The following PPTC7 variants were observed in gnomAD, a reference collection of about 807,000 sequenced individuals.
PPTC7 encodes the protein protein phosphatase targeting COQ7.
Under a neutral mutation model 30.8 loss-of-function variants are expected in PPTC7, and 6 were observed. The observed-to-expected ratio is 0.19, with a 90% CI of 0.11 to 0.38. The LOEUF (loss-of-function observed/expected upper bound fraction) is 0.38. Among genes scored for constraint, PPTC7 ranks in the 10% least tolerant of loss-of-function variants. The pLI is 1.00. For missense variants in PPTC7, 218 were observed against 404.8 expected (o/e 0.54, Z 3.96); for synonymous variants, 163 against 168.1 (o/e 0.97, Z 0.23).
rs146433367 is a variant in PPTC7 at position 110,579,778 on chromosome 12, C to T, written c.223+3031G>A. On this transcript the variant is annotated intron_variant, in intron 1 of 5. Transcript: ENST00000354300. ...CTGTAATCCCAGCAGTTTGGGAGGC[C>T]GAGGCTGGTGGATCACCTGGGGTTA... Among the ~76,000 whole-genome samples, 478 of 152,136 alleles carry T rather than the reference C, an allele frequency of 3.1e-3. 2 individuals are homozygous for T. Among genetic ancestry groups the T allele is most frequent in the Non-Finnish European group, 5.8e-3 (391 of 67,970 alleles).
intron 1 of PPTC7, among the ~76,000 whole-genome samples, chr12:110,568,733 T>C (rs993385779): frequency 1.4e-4 from 22 of 152,194 alleles, no homozygotes; most frequent in African/African-American, 5.3e-4. Flanking sequence ...CACCAATATC[T>C]GGTATACAAA....
At chr12:110,545,411 T>C in intron 3 of PPTC7, among the ~76,000 whole-genome samples, 1 of 152,170 alleles carries the variant, frequency 6.6e-6, no homozygotes, top group Non-Finnish European at 1.5e-5. Flanking sequence ...CCATTTTGAC[T>C]CCATTTCCTG....
intron 1 of PPTC7, among the ~76,000 whole-genome samples, chr12:110,563,896 CATG>C (rs1436815929): frequency 1.3e-5 from 2 of 152,188 alleles, no homozygotes; most frequent in Non-Finnish European, 2.9e-5. Context: ...AAAGTGCTGA[CATG>C]AGGATTAGGA....
intron 2 of PPTC7, chr12:110,546,481 C>T (rs745560363): frequency 2.8e-5 from 5 of 180,490 alleles, no homozygotes; most frequent in East Asian, 1.5e-4. Flanking sequence ...TACATTTTCC[C>T]GACATTTCTT....
At chr12:110,559,775 C>A (rs1303687450) in intron 1 of PPTC7, among the ~76,000 whole-genome samples, 1 of 151,776 alleles carries the variant, frequency 6.6e-6, no homozygotes, top group Non-Finnish European at 1.5e-5. Flanking sequence ...CTCTGTCACC[C>A]AGACTGGAAT....
intron 1 of PPTC7, among the ~76,000 whole-genome samples, chr12:110,580,580 T>C (rs1284357934): frequency 6.6e-6 from 1 of 152,180 alleles, no homozygotes; most frequent in Non-Finnish European, 1.5e-5. Flanking sequence ...CCTCAGGTGA[T>C]CCGCCCACCT....
chr12:110,578,828 C>G (rs924018585), intron 1 of PPTC7, among the ~76,000 whole-genome samples: 1 of 152,162 alleles, frequency 6.6e-6, no homozygotes, highest in African/African-American at 2.4e-5. Context: ...CTAGAGTTGA[C>G]AGCAGTATTA....
chr12:110,552,482 C>T (rs572310056), intron 1 of PPTC7, among the ~76,000 whole-genome samples: 5 of 152,232 alleles, frequency 3.3e-5, no homozygotes, highest in African/African-American at 1.2e-4. Context: ...CTGTAGAGGG[C>T]GGTACTGTAC....
chr12:110,573,149 G>T (rs2064554117), intron 1 of PPTC7, among the ~76,000 whole-genome samples: 1 of 152,136 alleles, frequency 6.6e-6, no homozygotes, highest in Non-Finnish European at 1.5e-5. Flanking sequence ...CAAAGTGTTG[G>T]GATTATAGGC....
At chr12:110,538,063 C>T (rs2064232106) in intron 5 of PPTC7, 81 bp downstream of exon 5, 1 of 1,497,548 alleles carries the variant, frequency 6.7e-7, no homozygotes. Context: ...CCTCCACAGT[C>T]TCACCCAGAG....
Position 110,551,934 on chromosome 12 carries a change from A to G in PPTC7, c.258T>C (p.Tyr86=). The change falls in exon 2 of 6, where the codon TAT becomes TAC. Residue 86 remains tyrosine (Y), a synonymous_variant. Coordinates refer to ENST00000354300, the MANE Select transcript of PPTC7 (RefSeq NM_139283.2). ...VADGVGGWRD[Y]GVDPSQFSGT... Reference sequence around the variant, plus strand: ...CTGAGAATTGAGATGGATCAACTCCATAGTCTCTCCAGCCTCCTACACCAT... The same window carrying G: ...CTGAGAATTGAGATGGATCAACTCCGTAGTCTCTCCAGCCTCCTACACCAT... 6.2e-7 allele frequency: 1 copy of G among 1,614,168 alleles called. No individual in the cohort carries two copies. Among genetic ancestry groups the G allele is most frequent in the Non-Finnish European group, 8.5e-7 (1 of 1,180,008 alleles).
intron 2 of PPTC7, 22 bp from the exon 3 acceptor site, chr12:110,546,100 A>G: frequency 6.2e-7 from 1 of 1,606,108 alleles, no homozygotes; most frequent in Non-Finnish European, 8.5e-7. Context: ...AATCATCTCC[A>G]TTTATTTTTT....
chr12:110,542,592 G>C (rs1236188023), intron 3 of PPTC7, among the ~76,000 whole-genome samples: 3 of 147,506 alleles, frequency 2.0e-5, no homozygotes, highest in African/African-American at 7.5e-5. Flanking sequence ...AATTGCTAGA[G>C]CCAGGGAGGC....
At chr12:110,565,864 A>G (rs2064479010) in intron 1 of PPTC7, among the ~76,000 whole-genome samples, 1 of 152,250 alleles carries the variant, frequency 6.6e-6, no homozygotes, top group African/African-American at 2.4e-5. Flanking sequence ...AATAAAAACA[A>G]AAGCAAAGAA....
At chr12:110,570,214 T>C (rs555605651) in intron 1 of PPTC7, among the ~76,000 whole-genome samples, 1 of 146,380 alleles carries the variant, frequency 6.8e-6, no homozygotes, top group Admixed American at 6.9e-5. Flanking sequence ...CAACTCAGAG[T>C]TGAATGGATT....
At chr12:110,562,893 G>A (rs377739030) in intron 1 of PPTC7, among the ~76,000 whole-genome samples, 8 of 148,896 alleles carry the variant, frequency 5.4e-5, no homozygotes, top group African/African-American at 1.5e-4. Context: ...AGGTCGAGGC[G>A]GGTGGATCAC....
At chr12:110,567,339 A>G (rs897987046) in intron 1 of PPTC7, among the ~76,000 whole-genome samples, 1 of 152,240 alleles carries the variant, frequency 6.6e-6, no homozygotes, top group Non-Finnish European at 1.5e-5. Flanking sequence ...TCAATGGTCC[A>G]GCTGGATGGA....
intron 1 of PPTC7, among the ~76,000 whole-genome samples, chr12:110,579,811 G>T (rs1422693434): frequency 6.6e-6 from 1 of 152,132 alleles, no homozygotes; most frequent in South Asian, 2.1e-4. Flanking sequence ...TTAGGAGTTC[G>T]AGTACAGCCT....
intron 3 of PPTC7, among the ~76,000 whole-genome samples, chr12:110,543,774 G>A (rs2064283334): frequency 6.6e-6 from 1 of 152,140 alleles, no homozygotes. Flanking sequence ...GGAAACTTTT[G>A]ACCGCACTGA....
Sources: gnomAD v4.1 joint callset for allele counts (sites outside exome capture counted in the v4.1 genomes callset) on GRCh38, gnomAD v4.1.1 for gene constraint, MANE v1.5 for transcripts, NCBI Gene and HGNC (gene_info 2026-07-23, HGNC 2026-07-21) for gene names.